The following IRAK3 variants were observed in gnomAD, a reference collection of about 807,000 sequenced individuals.
The protein encoded by IRAK3 is interleukin 1 receptor associated kinase 3, also known as interleukin-1 receptor-associated kinase 3.
Under a neutral mutation model 56.6 loss-of-function variants are expected in IRAK3, and 57 were observed. The ratio of observed to expected loss-of-function variants is 1.01; its 90% CI spans 0.81 to 1.26. The LOEUF (loss-of-function observed/expected upper bound fraction) is 1.26, where lower values mean the gene tolerates loss of function less well. Ranked by LOEUF, IRAK3 falls within the 50% of genes most tolerant of loss-of-function variation. The pLI, the probability that IRAK3 is intolerant of heterozygous loss-of-function variation, is 0.00. For missense variants in IRAK3, 703 were observed against 719.0 expected (o/e 0.98, Z 0.25); for synonymous variants, 258 against 255.7 (o/e 1.01, Z -0.09).
intron 1 of IRAK3, among the ~76,000 whole-genome samples, chr12:66,201,459 G>A (rs754838153): frequency 6.6e-6 from 1 of 152,142 alleles, no homozygotes; most frequent in Non-Finnish European, 1.5e-5. Flanking sequence ...TGAAAGGATG[G>A]TGCCATCACC....
At chr12:66,247,417 A>G (rs1262260733) in intron 11 of IRAK3, among the ~76,000 whole-genome samples, 2 of 152,230 alleles carry the variant, frequency 1.3e-5, no homozygotes, top group African/African-American at 4.8e-5. Flanking sequence ...AGACTTGCCC[A>G]AGTTCACAAA....
intron 11 of IRAK3, 91 bp downstream of exon 11, chr12:66,245,353 G>GT: frequency 4.5e-6 from 6 of 1,347,058 alleles, no homozygotes; most frequent in Non-Finnish European, 6.4e-6. Flanking sequence ...TGAATTATTT[G>GT]TTAATGAGAC....
intron 8 of IRAK3, among the ~76,000 whole-genome samples, chr12:66,230,425 A>G (rs1438912280): frequency 2.0e-5 from 3 of 152,158 alleles, no homozygotes; most frequent in Admixed American, 1.3e-4. Flanking sequence ...AGTCCATGCC[A>G]TGGGGAAGCA....
intron 2 of IRAK3, among the ~76,000 whole-genome samples, chr12:66,204,194 GCTCT>G (rs11465946): frequency 1.4e-3 from 208 of 152,084 alleles, no homozygotes; most frequent in African/African-American, 4.9e-3. Flanking sequence ...AATAGAATCA[GCTCT>G]CTGTCAAAAA....
intron 8 of IRAK3, among the ~76,000 whole-genome samples, chr12:66,238,281 A>G (rs116618889): frequency 1.4e-3 from 217 of 152,332 alleles, no homozygotes; most frequent in African/African-American, 4.9e-3. Context: ...AGAGAGCTCA[A>G]TGAGAGCCAG....
intron 1 of IRAK3, chr12:66,198,045 G>A (rs1049744714): frequency 6.6e-5 from 65 of 985,100 alleles, no homozygotes; most frequent in African/African-American, 1.7e-5. Context: ...TGTGGCAATT[G>A]TTGTGAGCTA....
In IRAK3 at chr12:66,252,330, A is replaced by C. The variant is rs2053108400; in HGVS notation, c.*4159A>C. ...TCACATTTGTCTGACTTCAAAATCC[A>C]TGCTTTTTCTTGTGTTCCAAATTGC... is the stretch of plus-strand genomic sequence containing the variant. On this transcript the variant is annotated 3_prime_UTR_variant, in exon 12 of 12. Transcript: ENST00000261233. 6.6e-6 allele frequency: 1 copy of C among 152,210 alleles called. No homozygotes were observed. Among genetic ancestry groups the C allele is most frequent in the Admixed American group, 6.5e-5 (1 of 15,280 alleles). The allele number at this position is 152,210 out of a possible 1,614,324, so 9.4% of individuals were successfully genotyped here.
At chr12:66,233,792 T>C (rs1402450252) in intron 8 of IRAK3, among the ~76,000 whole-genome samples, 1 of 147,274 alleles carries the variant, frequency 6.8e-6, no homozygotes, top group African/African-American at 2.5e-5. Flanking sequence ...TTTTCTTTTT[T>C]TTTTTTGCAT....
intron 2 of IRAK3, among the ~76,000 whole-genome samples, chr12:66,208,862 G>A (rs921083308): frequency 2.0e-5 from 3 of 151,858 alleles, no homozygotes; most frequent in Non-Finnish European, 4.4e-5. Context: ...CCAGGAGTTC[G>A]AGACTAGCCT....
intron 2 of IRAK3, among the ~76,000 whole-genome samples, chr12:66,207,434 T>C (rs185075288): frequency 1.4e-3 from 206 of 151,660 alleles, no homozygotes; most frequent in African/African-American, 4.9e-3. Context: ...ATTGCACCAC[T>C]GCACTCCAGC....
intron 4 of IRAK3, 79 bp downstream of exon 4, chr12:66,210,280 C>A (rs1330060927): frequency 1.3e-5 from 10 of 774,588 alleles, no homozygotes; most frequent in Admixed American, 1.0e-4. Flanking sequence ...GGAGAAATAC[C>A]CAATAAACAC....
chr12:66,198,078 G>A lies in IRAK3; in HGVS notation c.134-5633G>A, dbSNP rs2052471965. 3 of 985,072 alleles carry A rather than the reference G, an allele frequency of 3.0e-6. No individual in the cohort carries two copies. In the African/African-American group the frequency reaches 5.2e-5, roughly 17 times the overall value. 61.0% of individuals were successfully genotyped at this position (985,072 alleles called of 1,614,324 possible). The stretch of plus-strand genomic sequence containing the variant: ...CTAGAACATGTTTATACCTTTTTAT[G>A]TATAAATATTTTATCTGAGACTCCT... On this transcript the variant is annotated intron_variant, in intron 1 of 11. Transcript: ENST00000261233.
intron 5 of IRAK3, among the ~76,000 whole-genome samples, chr12:66,216,810 T>C (rs1220082779): frequency 1.3e-5 from 2 of 152,166 alleles, no homozygotes; most frequent in Non-Finnish European, 2.9e-5. Context: ...AGAATAGAAA[T>C]AACACAAGTT....
intron 1 of IRAK3, chr12:66,197,595 G>C: frequency 1.1e-5 from 11 of 985,436 alleles, no homozygotes; most frequent in Non-Finnish European, 1.3e-5. Flanking sequence ...CAGTCCGGAA[G>C]CAATCCATGC....
Position 66,189,396 on chromosome 12 carries a change from G to C in IRAK3, c.97G>C (p.Asp33His). ...ALLGELCAVL[D>H]SCDGALGWRG... ...GCTCGGAGAGCTCTGCGCTGTTCTG[G>C]ACAGCTGCGACGGCGCGCTGGGCTG... Residue 33 changes from aspartate (D) to histidine (H), a missense_variant, in exon 1 of 12, where the codon GAC becomes CAC. Asp to His is a moderately conservative substitution (Grantham distance 81). Transcript: ENST00000261233. 1.4e-6 allele frequency: 2 copies of C among 1,464,600 alleles called. No individual in the cohort carries two copies. Among genetic ancestry groups the C allele is most frequent in the Non-Finnish European group, 1.8e-6 (2 of 1,108,688 alleles). The allele number at this position is 1,464,600 out of a possible 1,614,324, so 90.7% of individuals were successfully genotyped here.
At chr12:66,242,262 C>T (rs2052978113) in intron 8 of IRAK3, among the ~76,000 whole-genome samples, 1 of 152,114 alleles carries the variant, frequency 6.6e-6, no homozygotes, top group Non-Finnish European at 1.5e-5. Context: ...CCTCCTGGCC[C>T]ACCGGCAAAC....
chr12:66,197,714 C>T, intron 1 of IRAK3: 1 of 985,388 alleles, frequency 1.0e-6, no homozygotes, highest in Non-Finnish European at 1.2e-6. Context: ...GTGATGCAAA[C>T]TCAGAACTAT....
At chr12:66,244,921 AG>A in intron 9 of IRAK3, 26 bp from the exon 10 acceptor site, 4 of 1,535,112 alleles carry the variant, frequency 2.6e-6, no homozygotes, top group Non-Finnish European at 3.6e-6. Context: ...TAAGATATAT[AG>A]CTGACTTTCT....
At chr12:66,222,775 A>T (rs934997690) in intron 6 of IRAK3, among the ~76,000 whole-genome samples, 2 of 152,096 alleles carry the variant, frequency 1.3e-5, no homozygotes, top group Non-Finnish European at 2.9e-5. Flanking sequence ...ATTTTTTACC[A>T]TACTGTCATT....
Sources: allele counts gnomAD v4.1 joint callset (sites outside exome capture counted in the v4.1 genomes callset), GRCh38; gene constraint gnomAD v4.1.1; transcripts MANE v1.5; gene names NCBI Gene and HGNC (gene_info 2026-07-23, HGNC 2026-07-21).